The following RANBP2 variants were observed in gnomAD, a reference collection of about 807,000 sequenced individuals.
RANBP2 encodes RAN binding protein 2.
A neutral mutation model predicts 303.6 loss-of-function variants in RANBP2; 57 were observed. That is an observed-to-expected ratio of 0.19 (90% confidence interval 0.15 to 0.23). RANBP2 has a LOEUF of 0.23. RANBP2 is among the 10% of genes least tolerant of loss of function. The probability of loss-of-function intolerance (pLI) is 1.00; values close to 1 mark genes in which losing one functional copy is unlikely to be tolerated. For synonymous variants in RANBP2, 1,167 were observed against 1,301.5 expected (o/e 0.90, Z 2.23); for missense variants, 3,138 against 3,780.8 (o/e 0.83, Z 4.46).
the RANBP2 span, among the ~76,000 whole-genome samples, chr2:108,838,572 G>C: frequency 6.6e-6 from 1 of 151,996 alleles, no homozygotes; most frequent in East Asian, 1.9e-4. Context: ...ATGTCTTTAT[G>C]GTCCTGAAAT....
chr2:109,304,418 C>A, the RANBP2 span, among the ~76,000 whole-genome samples: 1 of 152,032 alleles, frequency 6.6e-6, no homozygotes, highest in Admixed American at 6.6e-5. Context: ...AATGACAAGA[C>A]TTCCTTCTTT....
the RANBP2 span, among the ~76,000 whole-genome samples, chr2:109,050,569 A>G: frequency 6.6e-6 from 1 of 151,972 alleles, no homozygotes; most frequent in South Asian, 2.1e-4. Context: ...TTACTTTTTA[A>G]TGCGATTACT....
the RANBP2 span, among the ~76,000 whole-genome samples, chr2:109,496,297 G>T: frequency 6.6e-6 from 1 of 152,192 alleles, no homozygotes; most frequent in African/African-American, 2.4e-5. Context: ...GCTGATTGGT[G>T]CATTTTACAG....
At chr2:109,398,929 G>A in the RANBP2 span, 49 of 1,611,676 alleles carry the variant, frequency 3.0e-5, no homozygotes, top group Non-Finnish European at 3.8e-5. Flanking sequence ...TCTGTCGTGC[G>A]CTGCTCCCAC....
chr2:109,599,060 A>C, the RANBP2 span, among the ~76,000 whole-genome samples: 1 of 152,176 alleles, frequency 6.6e-6, no homozygotes, highest in Non-Finnish European at 1.5e-5. Context: ...ACAGGTTAAC[A>C]GTGATCTAAA....
the RANBP2 span, among the ~76,000 whole-genome samples, chr2:109,732,419 G>A: frequency 6.6e-6 from 1 of 151,912 alleles, no homozygotes; most frequent in African/African-American, 2.4e-5. Flanking sequence ...GAATATAAAA[G>A]ACTCGTGGGA....
chr2:109,391,520 T>C, the RANBP2 span, among the ~76,000 whole-genome samples: 1 of 152,234 alleles, frequency 6.6e-6, no homozygotes, highest in East Asian at 1.9e-4. Context: ...GCTCAGCCTC[T>C]GTCAAACTAA....
chr2:109,198,531 A>G, the RANBP2 span, among the ~76,000 whole-genome samples: 1 of 152,178 alleles, frequency 6.6e-6, no homozygotes, highest in Admixed American at 6.5e-5. Context: ...AACAGCAGAC[A>G]TCGATTTCTG....
the RANBP2 span, among the ~76,000 whole-genome samples, chr2:109,020,414 T>C: frequency 6.6e-6 from 1 of 152,134 alleles, no homozygotes; most frequent in East Asian, 1.9e-4. Flanking sequence ...CGGGTTCCAG[T>C]AGAGGAAGTC....
At chr2:108,757,046 T>C (rs1676372468) in intron 17 of RANBP2, among the ~76,000 whole-genome samples, 1 of 152,228 alleles carries the variant, frequency 6.6e-6, no homozygotes, top group African/African-American at 2.4e-5. Context: ...AAATTTTTAA[T>C]TGAAACACTT....
the RANBP2 span, among the ~76,000 whole-genome samples, chr2:108,842,824 A>G: frequency 6.6e-6 from 1 of 152,216 alleles, no homozygotes; most frequent in African/African-American, 2.4e-5. Context: ...GGCAACATCA[A>G]ATTATAAGCA....
the RANBP2 span, among the ~76,000 whole-genome samples, chr2:109,188,744 C>G: frequency 2.6e-5 from 4 of 152,196 alleles, no homozygotes; most frequent in African/African-American, 7.2e-5. Context: ...CTTTGAGACT[C>G]TGAGAGACAC....
chr2:109,028,470 C>T, the RANBP2 span, among the ~76,000 whole-genome samples: 2 of 152,148 alleles, frequency 1.3e-5, no homozygotes, highest in Non-Finnish European at 2.9e-5. Flanking sequence ...AGGCCTGTCT[C>T]CACACGCCAC....
the RANBP2 span, among the ~76,000 whole-genome samples, chr2:109,459,115 C>T: frequency 6.6e-6 from 1 of 152,078 alleles, no homozygotes; most frequent in East Asian, 1.9e-4. Flanking sequence ...GCTTCGTCTT[C>T]TTCTTGATAT....
intron 18 of RANBP2, among the ~76,000 whole-genome samples, chr2:108,760,238 A>G (rs974013257): frequency 3.9e-5 from 6 of 152,196 alleles, no homozygotes; most frequent in African/African-American, 1.4e-4. Context: ...AACATTTCCT[A>G]TATTTGAGAG....
the RANBP2 span, among the ~76,000 whole-genome samples, chr2:109,426,978 ATT>A: frequency 0.52 from 77,360 of 148,550 alleles, 20,132 homozygotes; most frequent in African/African-American, 0.6. Flanking sequence ...ATATATATAT[ATT>A]TTTTTTTGAG....
the RANBP2 span, among the ~76,000 whole-genome samples, chr2:108,930,578 C>G: frequency 6.6e-6 from 1 of 152,156 alleles, no homozygotes; most frequent in Non-Finnish European, 1.5e-5. Flanking sequence ...CACTGAGCCT[C>G]TAATACAGTG....
At chr2:109,688,701 C>G in the RANBP2 span, among the ~76,000 whole-genome samples, 2 of 148,808 alleles carry the variant, frequency 1.3e-5, no homozygotes, top group South Asian at 4.3e-4. Context: ...GTCTACTGAA[C>G]CCGGCAGGCG....
chr2:109,444,532 T>C, the RANBP2 span, among the ~76,000 whole-genome samples: 2 of 152,156 alleles, frequency 1.3e-5, no homozygotes. Context: ...GGATGGGCCA[T>C]ACTAAGCCTC....
Sources: gnomAD v4.1 joint callset for allele counts (sites outside exome capture counted in the v4.1 genomes callset) on GRCh38, gnomAD v4.1.1 for gene constraint, MANE v1.5 for transcripts, NCBI Gene and HGNC (gene_info 2026-07-23, HGNC 2026-07-21) for gene names.